BABAM2: variants seen among roughly 807,000 people sequenced by gnomAD.
The protein encoded by BABAM2 is BRISC and BRCA1-A complex member 2.
In BABAM2, 31 loss-of-function variants were observed where a neutral mutation model predicts 54.7. The observed-to-expected ratio is 0.57, with a 90% confidence interval of 0.43 to 0.77. The LOEUF is 0.77. Ranked by LOEUF, BABAM2 falls within the 30% of genes least tolerant of loss-of-function variation. The pLI, the probability that BABAM2 is intolerant of heterozygous loss-of-function variation, is 0.00. For synonymous variants in BABAM2, 167 were observed against 162.9 expected, an observed-to-expected ratio of 1.03 and a Z score of -0.19; for missense variants, 364 against 455.8, an observed-to-expected ratio of 0.80 and a Z score of 1.83.
intron 6 of BABAM2, among the ~76,000 whole-genome samples, chr2:28,104,849 C>G (rs1438750901): frequency 6.6e-6 from 1 of 152,174 alleles, no homozygotes; most frequent in Non-Finnish European, 1.5e-5. Context: ...CCATGGAATA[C>G]TGTGCAGCCA....
At chr2:28,218,649 C>G (rs1337264608) in intron 7 of BABAM2, among the ~76,000 whole-genome samples, 1 of 152,068 alleles carries the variant, frequency 6.6e-6, no homozygotes, top group African/African-American at 2.4e-5. Context: ...TAAGTGGTGT[C>G]TCTGTGGTTT....
intron 10 of BABAM2, among the ~76,000 whole-genome samples, chr2:28,255,113 G>C (rs1434560567): frequency 6.6e-6 from 1 of 151,974 alleles, no homozygotes; most frequent in Non-Finnish European, 1.5e-5. Context: ...CTAATACCCA[G>C]TTTGTGTTCA....
At chr2:28,042,642 G>C (rs1234966082) in intron 5 of BABAM2, among the ~76,000 whole-genome samples, 1 of 151,904 alleles carries the variant, frequency 6.6e-6, no homozygotes, top group East Asian at 1.9e-4. Context: ...GGGCTTAAGA[G>C]AAAATAATAA....
At chr2:28,117,926 G>A (rs1483075583) in intron 6 of BABAM2, among the ~76,000 whole-genome samples, 2 of 152,178 alleles carry the variant, frequency 1.3e-5, no homozygotes, top group Admixed American at 6.5e-5. Flanking sequence ...CGATTTAAGT[G>A]AATACATCTT....
At chr2:28,056,182 C>T (rs2148630293) in intron 6 of BABAM2, among the ~76,000 whole-genome samples, 1 of 152,178 alleles carries the variant, frequency 6.6e-6, no homozygotes, top group Admixed American at 6.5e-5. Flanking sequence ...ACAAGTCTAG[C>T]ACTCTAATGT....
chr2:28,267,418 T>A (rs1330370366), intron 10 of BABAM2, among the ~76,000 whole-genome samples: 1 of 150,130 alleles, frequency 6.7e-6, no homozygotes, highest in Non-Finnish European at 1.5e-5. Context: ...TCATTTACAC[T>A]GACTAGACAC....
chr2:28,102,917 A>AT (rs751921255), intron 6 of BABAM2, among the ~76,000 whole-genome samples: 7 of 152,170 alleles, frequency 4.6e-5, no homozygotes, highest in Non-Finnish European at 8.8e-5. Context: ...TAAAATAATG[A>AT]TTTTATATAG....
intron 4 of BABAM2, among the ~76,000 whole-genome samples, chr2:28,004,148 C>G (rs1294890576): frequency 7.1e-6 from 1 of 141,156 alleles, no homozygotes. Flanking sequence ...AAAAAAAACA[C>G]TTAGCCATTA....
chr2:28,250,907 ATGTTTTT>A (rs1683417612), intron 10 of BABAM2, among the ~76,000 whole-genome samples: 1 of 152,176 alleles, frequency 6.6e-6, no homozygotes. Context: ...CCACAGTCTT[ATGTTTTT>A]AAAAGAGAAA....
At chr2:28,115,226 A>ACACAC (rs1668509092) in intron 6 of BABAM2, among the ~76,000 whole-genome samples, 12 of 133,684 alleles carry the variant, frequency 9.0e-5, no homozygotes, top group African/African-American at 3.3e-4. Flanking sequence ...CACACACACA[A>ACACAC]ACCAATCAAA....
intron 7 of BABAM2, among the ~76,000 whole-genome samples, chr2:28,137,879 C>A (rs1264188492): frequency 6.6e-6 from 1 of 152,138 alleles, no homozygotes; most frequent in African/African-American, 2.4e-5. Context: ...CTCTTAAATG[C>A]TATACTCCTC....
intron 4 of BABAM2, among the ~76,000 whole-genome samples, chr2:27,988,629 G>A (rs1308629090): frequency 6.6e-6 from 1 of 152,142 alleles, no homozygotes; most frequent in Non-Finnish European, 1.5e-5. Flanking sequence ...AAATGTTTCT[G>A]GAATTAAAGC....
At chr2:28,039,865 A>G (rs955924711) in intron 5 of BABAM2, among the ~76,000 whole-genome samples, 1 of 152,218 alleles carries the variant, frequency 6.6e-6, no homozygotes, top group African/African-American at 2.4e-5. Flanking sequence ...GGAAATTGCC[A>G]TTAAGACAGT....
intron 3 of BABAM2, among the ~76,000 whole-genome samples, chr2:27,979,602 T>C (rs1336832262): frequency 6.6e-6 from 1 of 152,122 alleles, no homozygotes; most frequent in Non-Finnish European, 1.5e-5. Flanking sequence ...CATTTCCTTT[T>C]CTGTGCAGCC....
chr2:28,031,975 A>C (rs1676325938), intron 5 of BABAM2, among the ~76,000 whole-genome samples: 1 of 152,348 alleles, frequency 6.6e-6, no homozygotes, highest in South Asian at 2.1e-4. Flanking sequence ...GTATGAAATA[A>C]ATGGATATTT....
intron 6 of BABAM2, among the ~76,000 whole-genome samples, chr2:28,112,150 C>CTTTCTTTCTTT (rs1558346816): frequency 1.1e-3 from 2 of 1,878 alleles, no homozygotes; most frequent in Admixed American, 5.6e-3. Flanking sequence ...TCTTTCTTTA[C>CTTTCTTTCTTT]CTCCCTCCCT....
intron 10 of BABAM2, among the ~76,000 whole-genome samples, chr2:28,246,875 C>T (rs1278582728): frequency 1.3e-5 from 2 of 152,188 alleles, no homozygotes; most frequent in African/African-American, 2.4e-5. Context: ...CCTGCCAACT[C>T]GTTTGTCAGT....
intron 11 of BABAM2, chr2:28,310,276 C>T (rs1688957392): frequency 6.2e-6 from 6 of 970,168 alleles, no homozygotes; most frequent in Non-Finnish European, 9.3e-6. Flanking sequence ...AAGCCACTCA[C>T]CATCCTCTCA....
At chr2:28,022,549 T>A (rs996266326) in intron 4 of BABAM2, among the ~76,000 whole-genome samples, 2 of 152,250 alleles carry the variant, frequency 1.3e-5, no homozygotes, top group African/African-American at 4.8e-5. Flanking sequence ...GACTGTGTTT[T>A]ATCACTTTCT....
Sources: gnomAD v4.1 joint callset for allele counts (sites outside exome capture counted in the v4.1 genomes callset) on GRCh38, gnomAD v4.1.1 for gene constraint, MANE v1.5 for transcripts, NCBI Gene and HGNC (gene_info 2026-07-23, HGNC 2026-07-21) for gene names.